FRMD5: variants seen among roughly 807,000 people sequenced by gnomAD.
FRMD5 encodes FERM domain containing 5.
A neutral mutation model predicts 69.0 loss-of-function variants in FRMD5; 20 were observed. That is an observed-to-expected ratio of 0.29 (90% CI 0.20 to 0.42). FRMD5 has a LOEUF of 0.42. FRMD5 is among the 10% of genes least tolerant of loss of function. FRMD5 has a pLI of 1.00. For missense variants in FRMD5, 595 were observed against 708.6 expected (o/e 0.84, Z 1.82); for synonymous variants, 271 against 260.1 (o/e 1.04, Z -0.40).
intron 1 of FRMD5, among the ~76,000 whole-genome samples, chr15:43,951,534 T>C (rs1259166741): frequency 6.6e-6 from 1 of 152,044 alleles, no homozygotes; most frequent in African/African-American, 2.4e-5. Flanking sequence ...AAGAAAATAA[T>C]TCATAGTGCT....
At chr15:43,879,103 A>G (rs1183002634) in intron 13 of FRMD5, among the ~76,000 whole-genome samples, 1 of 151,510 alleles carries the variant, frequency 6.6e-6, no homozygotes, top group Non-Finnish European at 1.5e-5. Context: ...ATGCCCGGCT[A>G]ATTTTTGTAT....
At chr15:44,154,027 T>C (rs1032438403) in intron 1 of FRMD5, among the ~76,000 whole-genome samples, 1 of 152,052 alleles carries the variant, frequency 6.6e-6, no homozygotes, top group Non-Finnish European at 1.5e-5. Flanking sequence ...AATTAAAACT[T>C]GGGAAAAAAT....
At chr15:44,149,051 G>A (rs1408358637) in intron 1 of FRMD5, among the ~76,000 whole-genome samples, 1 of 152,070 alleles carries the variant, frequency 6.6e-6, no homozygotes, top group Admixed American at 6.5e-5. Flanking sequence ...TAATTTAAGA[G>A]ACTCATGTAT....
intron 1 of FRMD5, among the ~76,000 whole-genome samples, chr15:44,176,630 T>A: frequency 6.6e-6 from 1 of 152,168 alleles, no homozygotes; most frequent in East Asian, 1.9e-4. Context: ...GTAAATCATC[T>A]ATCTGATAAA....
At chr15:43,925,496 G>T (rs1464850003) in intron 1 of FRMD5, among the ~76,000 whole-genome samples, 2 of 152,176 alleles carry the variant, frequency 1.3e-5, no homozygotes, top group African/African-American at 2.4e-5. Context: ...TCACTGCAAT[G>T]AATCTAAAAT....
chr15:43,873,463 C>CAGAGG lies in FRMD5; in HGVS notation c.*417_*421dup. 7.0e-7 allele frequency: 1 copy of CAGAGG among 1,424,924 alleles called. No individual in the cohort carries two copies. The highest frequency in any genetic ancestry group is 2.6e-5 in the East Asian group (1 of 38,348). 88.3% of individuals were successfully genotyped at this position (1,424,924 alleles called of 1,614,324 possible). Reference sequence around the variant, plus strand: ...CAGCAGGAAAAGCTCCTGCAGAATACAGAGGACAGCAGCTCTCTAGTTTTC... The same window carrying CAGAGG: ...CAGCAGGAAAAGCTCCTGCAGAATACAGAGGAGAGGACAGCAGCTCTCTAGTTTTC... On this transcript the variant is annotated 3_prime_UTR_variant, in exon 14 of 14. Coordinates refer to ENST00000417257, the MANE Select transcript of FRMD5 (RefSeq NM_032892.5).
intron 1 of FRMD5, among the ~76,000 whole-genome samples, chr15:44,081,278 G>A (rs963372882): frequency 7.9e-5 from 12 of 152,094 alleles, no homozygotes; most frequent in African/African-American, 2.9e-4. Context: ...GTTTTGAACA[G>A]CTTGTTCTGG....
chr15:44,037,702 T>C (rs1221282502), intron 1 of FRMD5, among the ~76,000 whole-genome samples: 1 of 151,824 alleles, frequency 6.6e-6, no homozygotes, highest in Non-Finnish European at 1.5e-5. Context: ...TCTTGATCTC[T>C]TGACCTCATG....
At chr15:44,004,317 T>C (rs1890340935) in intron 1 of FRMD5, among the ~76,000 whole-genome samples, 1 of 152,226 alleles carries the variant, frequency 6.6e-6, no homozygotes, top group African/African-American at 2.4e-5. Flanking sequence ...TACCTCATTT[T>C]ATTGTGCTTC....
chr15:43,999,320 G>A (rs1232427844), intron 1 of FRMD5, among the ~76,000 whole-genome samples: 1 of 152,006 alleles, frequency 6.6e-6, no homozygotes, highest in Non-Finnish European at 1.5e-5. Flanking sequence ...TGCCTGCCTT[G>A]GCCTCCCAAA....
At chr15:43,901,524 G>A (rs2089044583) in intron 7 of FRMD5, among the ~76,000 whole-genome samples, 1 of 152,188 alleles carries the variant, frequency 6.6e-6, no homozygotes, top group African/African-American at 2.4e-5. Context: ...GTAGAGACCA[G>A]GAGTGTCAAA....
intron 1 of FRMD5, among the ~76,000 whole-genome samples, chr15:44,148,047 A>AGTT (rs2077383089): frequency 6.6e-6 from 1 of 152,084 alleles, no homozygotes; most frequent in African/African-American, 2.4e-5. Flanking sequence ...AAAATCTAGC[A>AGTT]TTTCTTTAAT....
intron 13 of FRMD5, chr15:43,875,947 C>T: frequency 7.5e-7 from 1 of 1,341,934 alleles, no homozygotes; most frequent in Non-Finnish European, 1.1e-6. Flanking sequence ...ATAGGCAAGG[C>T]AAATGCTGCT....
intron 1 of FRMD5, among the ~76,000 whole-genome samples, chr15:43,955,210 C>T (rs370860078): frequency 2.9e-4 from 44 of 152,212 alleles, no homozygotes; most frequent in Non-Finnish European, 2.1e-4. Flanking sequence ...AACCAAAAAG[C>T]TAAACACAGG....
At chr15:44,065,196 T>A (rs1893258276) in intron 1 of FRMD5, among the ~76,000 whole-genome samples, 1 of 152,226 alleles carries the variant, frequency 6.6e-6, no homozygotes. Context: ...GTACTTAGTA[T>A]AGTGTCTACC....
chr15:43,922,852 T>C (rs1449497168), intron 2 of FRMD5, among the ~76,000 whole-genome samples: 1 of 152,144 alleles, frequency 6.6e-6, no homozygotes, highest in Non-Finnish European at 1.5e-5. Flanking sequence ...GTATTTTTAG[T>C]GGAGACGGGG....
intron 1 of FRMD5, among the ~76,000 whole-genome samples, chr15:44,040,669 TA>T (rs911182086): frequency 1.3e-5 from 2 of 152,030 alleles, no homozygotes; most frequent in South Asian, 2.1e-4. Flanking sequence ...TAGGAAACAC[TA>T]AACATGGAAA....
At chr15:43,889,137 G>T (rs1336245736) in intron 8 of FRMD5, among the ~76,000 whole-genome samples, 1 of 152,202 alleles carries the variant, frequency 6.6e-6, no homozygotes, top group Non-Finnish European at 1.5e-5. Context: ...CTGTAAAAGG[G>T]AAACATTTGC....
chr15:43,879,426 G>A (rs2088461929), intron 13 of FRMD5: 2 of 398,432 alleles, frequency 5.0e-6, no homozygotes, highest in South Asian at 2.7e-4. Context: ...CTGTTATTTT[G>A]GGATAGATGG....
Sources: gnomAD v4.1 joint callset for allele counts (sites outside exome capture counted in the v4.1 genomes callset) on GRCh38, gnomAD v4.1.1 for gene constraint, MANE v1.5 for transcripts, NCBI Gene and HGNC (gene_info 2026-07-23, HGNC 2026-07-21) for gene names.